GRIK4: variants seen among roughly 807,000 people sequenced by gnomAD.
The protein encoded by GRIK4 is glutamate ionotropic receptor kainate type subunit 4.
GRIK4 carries 40 observed loss-of-function variants against 104.9 expected under a neutral mutation model. That is an observed-to-expected ratio of 0.38 (90% CI 0.30 to 0.50). The LOEUF (loss-of-function observed/expected upper bound fraction) is 0.50. GRIK4 is among the 20% of genes least tolerant of loss of function. The pLI, the probability that GRIK4 is intolerant of heterozygous loss-of-function variation, is 0.93. For missense variants in GRIK4, 1,047 were observed against 1,308.1 expected, an observed-to-expected ratio of 0.80 and a Z score of 3.08; for synonymous variants, 485 against 524.9, an observed-to-expected ratio of 0.92 and a Z score of 1.04.
intron 16 of GRIK4, among the ~76,000 whole-genome samples, chr11:120,959,510 G>A (rs1055992328): frequency 6.6e-6 from 1 of 152,232 alleles, no homozygotes; most frequent in African/African-American, 2.4e-5. Context: ...ATGAACTCAG[G>A]CTCCACTGAT....
At chr11:120,959,096 C>T (rs1944231334) in intron 16 of GRIK4, among the ~76,000 whole-genome samples, 1 of 152,152 alleles carries the variant, frequency 6.6e-6, no homozygotes, top group South Asian at 2.1e-4. Flanking sequence ...CCCTCTAGTC[C>T]TTTACAGATT....
At chr11:120,738,203 C>T (rs1320648) in intron 3 of GRIK4, among the ~76,000 whole-genome samples, 113,777 of 152,148 alleles carry the variant, frequency 0.75, 42,910 homozygotes, top group Middle Eastern at 0.85. Flanking sequence ...GAGTAAATGC[C>T]TTAACTGCTC....
At chr11:120,537,013 G>A (rs921213506) in intron 1 of GRIK4, among the ~76,000 whole-genome samples, 31 of 152,154 alleles carry the variant, frequency 2.0e-4, no homozygotes, top group Non-Finnish European at 4.4e-4. Flanking sequence ...TGCCCAGTGC[G>A]TAGGGCCTCA....
At chr11:120,646,754 G>A (rs977019473) in intron 1 of GRIK4, among the ~76,000 whole-genome samples, 10 of 152,324 alleles carry the variant, frequency 6.6e-5, no homozygotes, top group African/African-American at 2.4e-4. Context: ...GATGGGGGAT[G>A]AATTGGTAGG....
At chr11:120,943,130 ACACACACACACACACACACACCCC>A (rs1367043180) in intron 14 of GRIK4, among the ~76,000 whole-genome samples, 13 of 120,098 alleles carry the variant, frequency 1.1e-4, no homozygotes, top group Admixed American at 4.7e-4. Context: ...ACACACACAC[ACACACACACACACACACACACCCC>A]CCTGACTGTT....
rs1240816702 is a variant in GRIK4 at position 120,905,085 on chromosome 11, C to A, written c.1273-205C>A. On this transcript the variant is annotated intron_variant, in intron 12 of 20. Transcript: ENST00000527524. The surrounding 1 kb of genome is among the most constrained non-coding windows in gnomAD (Gnocchi z 5.1). ...AGTGGGAACCACTGTGTGTTCCTGA[C>A]AACAGAAGCACCTTGAAGGACAGCT... 6.6e-6 allele frequency among the ~76,000 whole-genome samples: 1 copy of A among 152,174 alleles called. No homozygotes were observed. The highest frequency in any genetic ancestry group is 1.5e-5 in the Non-Finnish European group (1 of 68,038).
At chr11:120,582,858 A>G (rs1948607385) in intron 1 of GRIK4, among the ~76,000 whole-genome samples, 1 of 152,138 alleles carries the variant, frequency 6.6e-6, no homozygotes, top group Non-Finnish European at 1.5e-5. Flanking sequence ...AAAAATGTAT[A>G]TTTCTTTGGG....
chr11:120,586,829 G>A (rs1418832685), intron 1 of GRIK4, among the ~76,000 whole-genome samples: 1 of 152,148 alleles, frequency 6.6e-6, no homozygotes, highest in Non-Finnish European at 1.5e-5. Flanking sequence ...CTCCATTCCT[G>A]ATGTGTGGTT....
chr11:120,871,647 C>T (rs1190589674), intron 9 of GRIK4: 1 of 456,198 alleles, frequency 2.2e-6, no homozygotes, highest in Non-Finnish European at 4.4e-6. Flanking sequence ...AGGCAGGAGA[C>T]TCGACGGAGG....
chr11:120,961,393 T>C (rs1243466953), intron 17 of GRIK4, among the ~76,000 whole-genome samples: 1 of 152,200 alleles, frequency 6.6e-6, no homozygotes, highest in Non-Finnish European at 1.5e-5. Context: ...AAAGTATATA[T>C]ATGCAGTGAA....
intron 6 of GRIK4, among the ~76,000 whole-genome samples, chr11:120,822,211 CAAAAAAAAAAA>C (rs34732807): frequency 7.0e-5 from 5 of 71,644 alleles, no homozygotes; most frequent in East Asian, 4.8e-4. Flanking sequence ...AACCCTATCT[CAAAAAAAAAAA>C]AAAAAAAAAA....
intron 3 of GRIK4, among the ~76,000 whole-genome samples, chr11:120,775,412 C>T (rs1198871896): frequency 6.6e-6 from 1 of 152,216 alleles, no homozygotes; most frequent in Non-Finnish European, 1.5e-5. Context: ...CTGGTCCCGA[C>T]TCTTCCCTTT....
chr11:120,635,403 C>T (rs1212440329), intron 1 of GRIK4, among the ~76,000 whole-genome samples: 2 of 152,248 alleles, frequency 1.3e-5, no homozygotes, highest in African/African-American at 2.4e-5. Context: ...CGCAGTCACC[C>T]AGGGCCTTCC....
chr11:120,522,189 A>G (rs886103844), intron 1 of GRIK4, among the ~76,000 whole-genome samples: 16 of 152,238 alleles, frequency 1.1e-4, no homozygotes, highest in African/African-American at 3.9e-4. Context: ...CAGCTGTGAA[A>G]CGAGGGAGCA....
intron 19 of GRIK4, among the ~76,000 whole-genome samples, chr11:120,979,878 G>C (rs564712871): frequency 1.3e-5 from 2 of 152,202 alleles, no homozygotes; most frequent in African/African-American, 4.8e-5. Context: ...TGTTGCCCAG[G>C]CTGGAGTGCT....
chr11:120,905,186 G>GC lies in GRIK4; in HGVS notation c.1273-100dup. The stretch of plus-strand genomic sequence containing the variant: ...TTACCCACGTCAGTTTCCTCCTTCT[G>GC]CCCCATGTCCTCCCCGACCCTCTGT... On this transcript the variant is annotated intron_variant, in intron 12 of 20. Coordinates refer to ENST00000527524, the MANE Select transcript of GRIK4 (RefSeq NM_014619.5). The surrounding 1 kb of genome is among the most constrained non-coding windows in gnomAD (Gnocchi z 5.1). 2.4e-6 allele frequency: 2 copies of GC among 816,338 alleles called. No homozygotes were observed. Among genetic ancestry groups the GC allele is most frequent in the South Asian group, 2.8e-5 (2 of 70,484 alleles). The allele number at this position is 816,338 out of a possible 1,614,324, so 50.6% of individuals were successfully genotyped here. A position where few individuals can be genotyped will look rare whatever the true frequency, so the allele number is the denominator to read the frequency against.
intron 12 of GRIK4, among the ~76,000 whole-genome samples, chr11:120,904,127 G>A (rs1248845755): frequency 1.3e-5 from 2 of 152,048 alleles, no homozygotes; most frequent in Non-Finnish European, 2.9e-5. Flanking sequence ...TCTTCCCCTT[G>A]ACGGTCTCAC....
chr11:120,778,553 T>G (rs1269645346), intron 3 of GRIK4, among the ~76,000 whole-genome samples: 1 of 152,240 alleles, frequency 6.6e-6, no homozygotes, highest in Non-Finnish European at 1.5e-5. Context: ...AACACTGATT[T>G]ACCCTTTGGG....
Position 120,841,534 on chromosome 11 carries a change from G to A in GRIK4, c.744+4690G>A, listed in dbSNP as rs1035547490. 6.6e-5 allele frequency among the ~76,000 whole-genome samples: 10 copies of A among 152,246 alleles called. No individual in the cohort carries two copies. The East Asian group carries it at 1.5e-3, about 23-fold the overall frequency. The stretch of plus-strand genomic sequence containing the variant: ...TCATTCATCGATGGACACGTGGGTC[G>A]CCTCCACCTTTTGGCTATTGTGAAT... On this transcript the variant is annotated intron_variant, in intron 8 of 20. Coordinates refer to ENST00000527524, the MANE Select transcript of GRIK4 (RefSeq NM_014619.5).
Sources: gnomAD v4.1 joint callset for allele counts (sites outside exome capture counted in the v4.1 genomes callset) on GRCh38, gnomAD v4.1.1 for gene constraint, Gnocchi (gnomAD v3.1) non-coding constraint, MANE v1.5 for transcripts, NCBI Gene and HGNC (gene_info 2026-07-23, HGNC 2026-07-21) for gene names.